SCAI: variants seen among roughly 807,000 people sequenced by gnomAD.
The protein encoded by SCAI is protein SCAI.
Under a neutral mutation model 92.2 loss-of-function variants are expected in SCAI, and 24 were observed. That is an observed-to-expected ratio of 0.26 (90% CI 0.19 to 0.37). The LOEUF is 0.37. SCAI is among the 10% of genes least tolerant of loss of function. The pLI, the probability that SCAI is intolerant of heterozygous loss-of-function variation, is 1.00. For synonymous variants in SCAI, 261 were observed against 258.6 expected, an observed-to-expected ratio of 1.01 and a Z score of -0.09; for missense variants, 450 against 736.2, an observed-to-expected ratio of 0.61 and a Z score of 4.50.
rs1588143610 is a variant in SCAI at position 125,001,881 on chromosome 9, G to C, written c.1144+84C>G. ...AAGTCTGTCTAGAAAGGCTGAGATG[G>C]TCTGTGGGCTACGGGCCATCGTCTT... On this transcript the variant is annotated intron_variant, in intron 12 of 17. Transcript: ENST00000336505. 18 of 929,068 alleles carry C rather than the reference G, an allele frequency of 1.9e-5. No individual in the cohort carries two copies. The East Asian group carries it at 4.4e-4, about 23-fold the overall frequency. 57.6% of individuals were successfully genotyped at this position (929,068 alleles called of 1,614,324 possible).
intron 3 of SCAI, among the ~76,000 whole-genome samples, chr9:125,045,710 A>G (rs1833420466): frequency 6.6e-6 from 1 of 152,200 alleles, no homozygotes; most frequent in Non-Finnish European, 1.5e-5. Context: ...AACTTCTCGG[A>G]AGTAGCACTT....
In SCAI at chr9:124,998,230, C is replaced by T. The variant is rs1006018808; in HGVS notation, c.1244+1661G>A. 3.9e-5 allele frequency among the ~76,000 whole-genome samples: 6 copies of T among 151,900 alleles called. No homozygotes were observed. In the East Asian group the frequency reaches 5.8e-4, roughly 15 times the overall value. ...CTGTAATTCCAGCACTTTGGGAGGCCGAGGCTAAGGTCAGGAGTTCGAGAC... is the reference window on the plus strand; with the variant it reads ...CTGTAATTCCAGCACTTTGGGAGGCTGAGGCTAAGGTCAGGAGTTCGAGAC... On this transcript the variant is annotated intron_variant, in intron 13 of 17. Coordinates refer to ENST00000336505, the MANE Select transcript of SCAI (RefSeq NM_001144877.3).
chr9:124,948,194 G>A lies in SCAI; in HGVS notation c.*4613C>T, dbSNP rs1384897948. ...ATTCTATTGCACAAAGGAAATAAAG[G>A]GCAGTAGCCAGAAGTTGGAGGGGAG... is the stretch of plus-strand genomic sequence containing the variant. On this transcript the variant is annotated 3_prime_UTR_variant, in exon 18 of 18. Transcript: ENST00000336505. The A allele has an allele frequency of 1.3e-5, 2 of 152,108 alleles. No homozygotes were observed. The highest frequency in any genetic ancestry group is 6.5e-5 in the Admixed American group (1 of 15,272). The allele number at this position is 152,108 out of a possible 1,614,324, so 9.4% of individuals were successfully genotyped here.
rs549050868 is a variant in SCAI, at chr9:125,000,981, TAAAGA to T, written c.1144+979_1144+983del. ...ATTACCTATCATACTTTGAAAAAAG[TAAAGA>T]AGTCAGTATGTTAAGCGGAAACCAA... On this transcript the variant is annotated intron_variant, in intron 12 of 17. Transcript: ENST00000336505. Among the ~76,000 whole-genome samples, 429 of 152,258 alleles carry T rather than the reference TAAAGA, an allele frequency of 2.8e-3. 1 individual carries two copies. Among genetic ancestry groups the T allele is most frequent in the Non-Finnish European group, 5.2e-3 (357 of 68,010 alleles).
At chr9:125,074,317 C>T (rs1834042545) in intron 2 of SCAI, among the ~76,000 whole-genome samples, 1 of 149,802 alleles carries the variant, frequency 6.7e-6, no homozygotes. Context: ...AGTGCAGCAG[C>T]ACAATCTTGG....
At chr9:124,990,350 G>C (rs1832094016) in intron 14 of SCAI, among the ~76,000 whole-genome samples, 1 of 152,046 alleles carries the variant, frequency 6.6e-6, no homozygotes, top group Non-Finnish European at 1.5e-5. Flanking sequence ...TCAGCCAGGT[G>C]TGGTGGCACG....
chr9:125,030,574 G>GC (rs1412532279), intron 3 of SCAI, among the ~76,000 whole-genome samples: 1 of 152,226 alleles, frequency 6.6e-6, no homozygotes, highest in Non-Finnish European at 1.5e-5. Context: ...GGTAATAGGA[G>GC]TACGTTATTG....
Position 124,952,828 on chromosome 9 carries a change from C to A in SCAI, c.1800G>T (p.Glu600Asp). 1 of 1,613,180 alleles carries A rather than the reference C, an allele frequency of 6.2e-7. No homozygotes were observed. Among genetic ancestry groups the A allele is most frequent in the South Asian group, 1.1e-5 (1 of 90,930 alleles). The change falls in exon 18 of 18, where the codon GAG (glutamate) becomes GAT (aspartate). Residue 600 changes from glutamate to aspartate, a missense_variant. Transcript: ENST00000336505. The part of the protein sequence containing the change: ...SILDVRNVFF[E>D]NTIDDY ...TGTTTTAATAGTCATCAATGGTATT[C>A]TCAAAGAACACGTTTCGAACATCCA...
At position 125,097,755 on chromosome 9, in the gene SCAI, T is replaced by C. The variant is rs1489877746; in HGVS notation, c.99-41748A>G. ...TTACTGGCAAAATGCATTCTGGATATTTCAGAAGGATATGTTGCTTGAAAT... is the reference window on the plus strand; with the variant it reads ...TTACTGGCAAAATGCATTCTGGATACTTCAGAAGGATATGTTGCTTGAAAT... On this transcript the variant is annotated intron_variant, in intron 2 of 17. Coordinates refer to ENST00000336505, the MANE Select transcript of SCAI (RefSeq NM_001144877.3). Among the ~76,000 whole-genome samples, 10 of 151,802 alleles carry C rather than the reference T, an allele frequency of 6.6e-5. No individual in the cohort carries two copies. The East Asian group carries it at 1.7e-3, about 26-fold the overall frequency.
intron 3 of SCAI, among the ~76,000 whole-genome samples, chr9:125,030,282 C>T (rs889583495): frequency 1.3e-5 from 2 of 152,174 alleles, no homozygotes; most frequent in African/African-American, 4.8e-5. Context: ...TATTAACTTC[C>T]TTTGGCCAAT....
At chr9:125,112,548 T>G (rs1298970501) in intron 2 of SCAI, among the ~76,000 whole-genome samples, 1 of 152,216 alleles carries the variant, frequency 6.6e-6, no homozygotes, top group Non-Finnish European at 1.5e-5. Context: ...GGAAAAGTCT[T>G]AAACAGGCTT....
At chr9:125,076,540 T>C (rs1834093694) in intron 2 of SCAI, among the ~76,000 whole-genome samples, 1 of 149,898 alleles carries the variant, frequency 6.7e-6, no homozygotes, top group Non-Finnish European at 1.5e-5. Context: ...TGGCCTGCAC[T>C]TCCAAAAAAC....
chr9:125,102,104 A>G (rs867872635), intron 2 of SCAI, among the ~76,000 whole-genome samples: 1 of 152,128 alleles, frequency 6.6e-6, no homozygotes, highest in African/African-American at 2.4e-5. Context: ...GCCTCCACAC[A>G]CTAGACACCA....
At chr9:125,043,924 G>A (rs13290249) in intron 3 of SCAI, among the ~76,000 whole-genome samples, 34,011 of 151,998 alleles carry the variant, frequency 0.22, 4,730 homozygotes, top group Non-Finnish European at 0.3. Context: ...GCGCTCCTGG[G>A]TGCAGCTGCA....
chr9:125,035,887 G>C (rs1248451675), intron 3 of SCAI, among the ~76,000 whole-genome samples: 1 of 152,192 alleles, frequency 6.6e-6, no homozygotes, highest in Admixed American at 6.5e-5. Context: ...GTGAGACCTT[G>C]TCTCTACAAA....
intron 4 of SCAI, among the ~76,000 whole-genome samples, chr9:125,029,202 C>T (rs1182614992): frequency 6.6e-6 from 1 of 152,090 alleles, no homozygotes; most frequent in African/African-American, 2.4e-5. Flanking sequence ...TCACTGCAAC[C>T]TCCCCCACTT....
intron 2 of SCAI, among the ~76,000 whole-genome samples, chr9:125,078,505 G>A (rs1478405475): frequency 6.6e-6 from 1 of 152,154 alleles, no homozygotes; most frequent in African/African-American, 2.4e-5. Context: ...TCCAGCTTGG[G>A]CGATAAGAGT....
At position 125,126,180 on chromosome 9, in the gene SCAI, T is replaced by A. The variant is rs115918315; in HGVS notation, c.98+16453A>T. Among the ~76,000 whole-genome samples the A allele has an allele frequency of 3.0e-3, 456 of 152,294 alleles. 5 individuals carry two copies. Among genetic ancestry groups the A allele is most frequent in the African/African-American group, 0.011 (441 of 41,570 alleles). ...AGAGTAGGAGGATCCCTGTTCAAGC[T>A]CACTTTTCTGAGCCAGTCATGTGGC... On this transcript the variant is annotated intron_variant, in intron 2 of 17. Transcript: ENST00000336505.
At chr9:125,115,370 CAA>C (rs58814200) in intron 2 of SCAI, among the ~76,000 whole-genome samples, 2 of 52,428 alleles carry the variant, frequency 3.8e-5, no homozygotes, top group African/African-American at 1.5e-4. Context: ...AGACTCTCCT[CAA>C]AAAAAAAAAA....
Sources: gnomAD v4.1 joint callset for allele counts (sites outside exome capture counted in the v4.1 genomes callset) on GRCh38, gnomAD v4.1.1 for gene constraint, MANE v1.5 for transcripts, NCBI Gene and HGNC (gene_info 2026-07-23, HGNC 2026-07-21) for gene names.